The following ROBO1 variants were observed in gnomAD, a reference collection of about 807,000 sequenced individuals.
The protein encoded by ROBO1 is roundabout homolog 1.
A neutral mutation model predicts 195.9 loss-of-function variants in ROBO1; 149 were observed. The observed-to-expected ratio is 0.76, with a 90% CI of 0.67 to 0.87. The LOEUF (loss-of-function observed/expected upper bound fraction) is 0.87, where lower values mean the gene tolerates loss of function less well. Ranked by LOEUF, ROBO1 falls within the 40% of genes least tolerant of loss-of-function variation. The probability of loss-of-function intolerance (pLI) is 0.00; values close to 1 mark genes in which losing one functional copy is unlikely to be tolerated. For missense variants in ROBO1, 1,933 were observed against 2,068.3 expected, an observed-to-expected ratio of 0.93 and a Z score of 1.27; for synonymous variants, 816 against 733.2, an observed-to-expected ratio of 1.11 and a Z score of -1.82.
intron 2 of ROBO1, among the ~76,000 whole-genome samples, chr3:79,210,328 C>A (rs944063736): frequency 1.3e-5 from 2 of 152,144 alleles, no homozygotes. Flanking sequence ...GGCACACAGA[C>A]CAATGGAACA....
At chr3:79,512,283 A>G (rs1197529601) in intron 2 of ROBO1, among the ~76,000 whole-genome samples, 2 of 152,316 alleles carry the variant, frequency 1.3e-5, no homozygotes, top group Middle Eastern at 3.4e-3. Context: ...TTTATTAACT[A>G]TGAAAAAAGA....
intron 3 of ROBO1, among the ~76,000 whole-genome samples, chr3:79,092,844 C>T (rs375614839): frequency 2.0e-5 from 3 of 152,114 alleles, no homozygotes; most frequent in African/African-American, 7.2e-5. Flanking sequence ...CTCTATCTGA[C>T]CAGATTATCT....
At chr3:79,318,078 C>T (rs960592672) in intron 2 of ROBO1, among the ~76,000 whole-genome samples, 7 of 152,128 alleles carry the variant, frequency 4.6e-5, no homozygotes, top group Non-Finnish European at 7.3e-5. Flanking sequence ...CAAAGGCCAA[C>T]GGGCAGTCAG....
chr3:78,821,566 C>T (rs1419716323), intron 4 of ROBO1, among the ~76,000 whole-genome samples: 1 of 152,050 alleles, frequency 6.6e-6, no homozygotes, highest in Non-Finnish European at 1.5e-5. Flanking sequence ...AAATTGCTCG[C>T]TTTTCACATG....
intron 1 of ROBO1, among the ~76,000 whole-genome samples, chr3:79,720,855 C>A (rs1055925747): frequency 1.3e-5 from 2 of 148,888 alleles, no homozygotes; most frequent in African/African-American, 2.5e-5. Flanking sequence ...TGCAGTGGTG[C>A]GATCTCGGCT....
At position 79,341,522 on chromosome 3, in the gene ROBO1, A is replaced by G. The variant is rs1257718445; in HGVS notation, c.89-215983T>C. ...TTTTTTTTAATTAAAATAATTACAGATCGGGTGGGAGGTGTCTCACTATGT... is the reference window on the plus strand; with the variant it reads ...TTTTTTTTAATTAAAATAATTACAGGTCGGGTGGGAGGTGTCTCACTATGT... On this transcript the variant is annotated intron_variant, in intron 2 of 30. Coordinates refer to ENST00000464233, the MANE Select transcript of ROBO1 (RefSeq NM_002941.4). Among the ~76,000 whole-genome samples the G allele has an allele frequency of 2.0e-5, 3 of 151,636 alleles. No individual in the cohort carries two copies. In the South Asian group the frequency reaches 6.3e-4, roughly 32 times the overall value.
chr3:79,196,576 A>G (rs1490818485), intron 2 of ROBO1, among the ~76,000 whole-genome samples: 3 of 151,762 alleles, frequency 2.0e-5, no homozygotes, highest in Admixed American at 6.6e-5. Flanking sequence ...TGGCTACCCA[A>G]TTTTAGTCAT....
At chr3:79,514,417 A>C (rs892050215) in intron 2 of ROBO1, among the ~76,000 whole-genome samples, 1 of 152,180 alleles carries the variant, frequency 6.6e-6, no homozygotes, top group Non-Finnish European at 1.5e-5. Context: ...GTGATAGCAC[A>C]TTGGTGGACA....
intron 2 of ROBO1, among the ~76,000 whole-genome samples, chr3:79,141,448 C>T (rs1264157530): frequency 6.6e-6 from 1 of 152,086 alleles, no homozygotes; most frequent in African/African-American, 2.4e-5. Context: ...TTTTAAAGGT[C>T]ACAGGGATTA....
chr3:79,646,604 A>G (rs186225691), intron 1 of ROBO1, among the ~76,000 whole-genome samples: 1 of 152,174 alleles, frequency 6.6e-6, no homozygotes, highest in African/African-American at 2.4e-5. Flanking sequence ...AGACATCTGC[A>G]CTCCCATGCT....
intron 1 of ROBO1, among the ~76,000 whole-genome samples, chr3:79,758,655 G>A (rs1166719674): frequency 2.0e-5 from 3 of 152,156 alleles, no homozygotes; most frequent in Non-Finnish European, 4.4e-5. Context: ...AAGGTATTTT[G>A]AGAAGACAAG....
intron 5 of ROBO1, among the ~76,000 whole-genome samples, chr3:78,740,534 C>T (rs374290092): frequency 6.0e-5 from 9 of 150,730 alleles, no homozygotes; most frequent in East Asian, 2.0e-4. Context: ...TGCAATGGCG[C>T]GACCTCGGCT....
At chr3:79,524,753 G>A (rs7617476) in intron 2 of ROBO1, among the ~76,000 whole-genome samples, 110,811 of 152,032 alleles carry the variant, frequency 0.73, 41,502 homozygotes, top group African/African-American at 0.92. Flanking sequence ...AGAAAATGAC[G>A]TTCATATTGT....
At chr3:79,018,576 G>A (rs976566774) in intron 3 of ROBO1, 1 of 1,513,694 alleles carries the variant, frequency 6.6e-7, no homozygotes, top group Non-Finnish European at 8.9e-7. Context: ...AGCAACGTGG[G>A]TCAATTAGCC....
intron 2 of ROBO1, among the ~76,000 whole-genome samples, chr3:79,505,586 G>A (rs530992942): frequency 1.3e-5 from 2 of 152,288 alleles, no homozygotes; most frequent in Admixed American, 1.3e-4. Flanking sequence ...GAGAGAAAGA[G>A]GACATGGCTG....
At chr3:79,312,945 T>G (rs2033555980) in intron 2 of ROBO1, among the ~76,000 whole-genome samples, 1 of 152,182 alleles carries the variant, frequency 6.6e-6, no homozygotes, top group African/African-American at 2.4e-5. Flanking sequence ...AAGTCATCAT[T>G]AGCTCAACGT....
rs563391347 is a variant in ROBO1, at chr3:79,764,518, C to T, written c.-51+3234G>A. The stretch of plus-strand genomic sequence containing the variant: ...TTTCAAATGGTGCATTGCACCTGCT[C>T]ATTCATCAAGCTGCCAGGGGCTTAC... On this transcript the variant is annotated intron_variant, in intron 1 of 30. Coordinates refer to ENST00000464233, the MANE Select transcript of ROBO1 (RefSeq NM_002941.4). 6.2e-4 allele frequency among the ~76,000 whole-genome samples: 94 copies of T among 152,326 alleles called. 3 individuals are homozygous for T. In the South Asian group the frequency reaches 0.019, roughly 31 times the overall value.
At chr3:79,494,173 T>A (rs1268754649) in intron 2 of ROBO1, among the ~76,000 whole-genome samples, 3 of 152,128 alleles carry the variant, frequency 2.0e-5, no homozygotes, top group Admixed American at 1.3e-4. Context: ...CCACGCCCCA[T>A]GCTCCATACT....
chr3:79,472,920 G>A (rs146814851), intron 2 of ROBO1, among the ~76,000 whole-genome samples: 43 of 152,246 alleles, frequency 2.8e-4, no homozygotes, highest in Non-Finnish European at 5.4e-4. Context: ...TAAACTAAGA[G>A]CTAAAGGAAA....
Sources: gnomAD v4.1 joint callset for allele counts (sites outside exome capture counted in the v4.1 genomes callset) on GRCh38, gnomAD v4.1.1 for gene constraint, MANE v1.5 for transcripts, NCBI Gene and HGNC (gene_info 2026-07-23, HGNC 2026-07-21) for gene names.